PAX5: variants seen among roughly 807,000 people sequenced by gnomAD.
PAX5 encodes paired box 5.
A neutral mutation model predicts 43.7 loss-of-function variants in PAX5; 9 were observed. That is an observed-to-expected ratio of 0.21 (90% CI 0.12 to 0.36). The LOEUF is 0.36. PAX5 is among the 10% of genes least tolerant of loss of function. The pLI, the probability that PAX5 is intolerant of heterozygous loss-of-function variation, is 1.00. For synonymous variants in PAX5, 228 were observed against 214.3 expected (o/e 1.06, Z -0.56); for missense variants, 383 against 532.7 (o/e 0.72, Z 2.77).
chr9:36,906,514 C>T (rs1828835581), intron 7 of PAX5, among the ~76,000 whole-genome samples: 1 of 152,162 alleles, frequency 6.6e-6, no homozygotes, highest in African/African-American at 2.4e-5. Flanking sequence ...GGAACACAGC[C>T]CACCACTCTT....
At chr9:37,033,063 T>G (rs1841146349) in intron 1 of PAX5, among the ~76,000 whole-genome samples, 1 of 152,232 alleles carries the variant, frequency 6.6e-6, no homozygotes, top group African/African-American at 2.4e-5. Context: ...TAGGTGAAAG[T>G]GAATGTAGGC....
chr9:37,017,864 A>G (rs1242749296), intron 2 of PAX5, among the ~76,000 whole-genome samples: 1 of 152,170 alleles, frequency 6.6e-6, no homozygotes, highest in Admixed American at 6.5e-5. Context: ...GAAAACCCCA[A>G]CTCGAAACTG....
At chr9:36,963,602 T>C (rs1313899978) in intron 6 of PAX5, among the ~76,000 whole-genome samples, 2 of 151,982 alleles carry the variant, frequency 1.3e-5, no homozygotes, top group Non-Finnish European at 2.9e-5. Flanking sequence ...GTTAGAGGAG[T>C]GGCATGTGAG....
chr9:36,874,410 A>G (rs1825740530), intron 8 of PAX5, among the ~76,000 whole-genome samples: 1 of 152,010 alleles, frequency 6.6e-6, no homozygotes, highest in Admixed American at 6.5e-5. Context: ...CTCAGATCCT[A>G]ACCTTGCTGG....
intron 5 of PAX5, among the ~76,000 whole-genome samples, chr9:36,981,129 A>G (rs1835876513): frequency 1.3e-5 from 2 of 150,906 alleles, no homozygotes; most frequent in African/African-American, 4.9e-5. Context: ...TCCCTCCATT[A>G]AGGCCTCTGC....
chr9:37,001,810 C>CTTTTTTT (rs3073720), intron 5 of PAX5, among the ~76,000 whole-genome samples: 2,826 of 87,396 alleles, frequency 0.032, 9 homozygotes, highest in Non-Finnish European at 0.04. Flanking sequence ...ACAGCTCTGG[C>CTTTTTTT]TTTTTTTTTT....
intron 1 of PAX5, chr9:37,026,486 C>A: frequency 7.6e-7 from 1 of 1,307,992 alleles, no homozygotes; most frequent in South Asian, 1.2e-5. Context: ...CACCCCCAAC[C>A]CGGTCCCGGC....
intron 7 of PAX5, among the ~76,000 whole-genome samples, chr9:36,914,793 C>T (rs1186122278): frequency 1.4e-5 from 2 of 138,906 alleles, no homozygotes; most frequent in Admixed American, 7.2e-5. Flanking sequence ...GCTCAAAGCT[C>T]TCCCACCGGA....
chr9:36,880,302 ACT>A (rs1826292399), intron 8 of PAX5, among the ~76,000 whole-genome samples: 1 of 152,154 alleles, frequency 6.6e-6, no homozygotes, highest in Non-Finnish European at 1.5e-5. Context: ...CTCCGTCCAC[ACT>A]CTCGACAGAG....
chr9:36,862,064 G>A (rs1824267729), intron 8 of PAX5, among the ~76,000 whole-genome samples: 2 of 152,200 alleles, frequency 1.3e-5, no homozygotes, highest in Non-Finnish European at 2.9e-5. Context: ...GGCACTCACG[G>A]AGCGGGGCCA....
At chr9:36,843,414 T>A (rs1369630424) in intron 9 of PAX5, among the ~76,000 whole-genome samples, 3 of 152,168 alleles carry the variant, frequency 2.0e-5, no homozygotes, top group Non-Finnish European at 2.9e-5. Flanking sequence ...GAAGGTGGGA[T>A]CACTGCTTCC....
At chr9:36,977,551 T>C (rs551417857) in intron 5 of PAX5, among the ~76,000 whole-genome samples, 2 of 152,118 alleles carry the variant, frequency 1.3e-5, no homozygotes, top group Non-Finnish European at 2.9e-5. Flanking sequence ...TTTTGTGAGA[T>C]GGAGTCTCAC....
intron 6 of PAX5, among the ~76,000 whole-genome samples, chr9:36,938,200 C>T (rs371070668): frequency 6.6e-6 from 1 of 152,130 alleles, no homozygotes; most frequent in East Asian, 1.9e-4. Flanking sequence ...AATATATTTG[C>T]ATTTTGTGGT....
In PAX5 at chr9:37,034,088, C is replaced by CTTTTTTTTTTTT. The variant is rs368036487; in HGVS notation, c.-58_-57insAAAAAAAAAAAA. 11 of 448,706 alleles carry CTTTTTTTTTTTT rather than the reference C, an allele frequency of 2.5e-5. No individual in the cohort carries two copies. Among genetic ancestry groups the CTTTTTTTTTTTT allele is most frequent in the South Asian group, 1.4e-4 (4 of 29,110 alleles). 27.8% of individuals were successfully genotyped at this position (448,706 alleles called of 1,614,324 possible). On this transcript the variant is annotated 5_prime_UTR_variant, in exon 1 of 10. Coordinates refer to ENST00000358127, the MANE Select transcript of PAX5 (RefSeq NM_016734.3). ...GGGAAAAGTTTCCACTTTTTTGTGCCTTTTTTTTTCTTTTTTTTTTTTTTT... is the reference window on the plus strand; with the variant it reads ...GGGAAAAGTTTCCACTTTTTTGTGCCTTTTTTTTTTTTTTTTTTTTTCTTTTTTTTTTTTTTT...
chr9:36,835,965 G>C lies in PAX5; in HGVS notation c.*4595C>G, dbSNP rs1821614951. 2 of 233,308 alleles carry C rather than the reference G, an allele frequency of 8.6e-6. No homozygotes were observed. Among genetic ancestry groups the C allele is most frequent in the South Asian group, 3.6e-4 (2 of 5,540 alleles). 14.5% of individuals were successfully genotyped at this position (233,308 alleles called of 1,614,324 possible). A position where few individuals can be genotyped will look rare whatever the true frequency, so the allele number is the denominator to read the frequency against. On this transcript the variant is annotated 3_prime_UTR_variant, in exon 10 of 10. Transcript: ENST00000358127. ...ATTTCAGACTCATCGTGTTTCTAGG[G>C]CTGTGTCAGGGTGCTTGGTTGGTTT...
chr9:37,009,837 AAATAAT>A (rs1838779385), intron 3 of PAX5, among the ~76,000 whole-genome samples: 1 of 152,036 alleles, frequency 6.6e-6, no homozygotes, highest in Admixed American at 6.6e-5. Context: ...TAAAAATTAA[AAATAAT>A]AATAATAATA....
Position 36,836,667 on chromosome 9 carries a change from T to G in PAX5, c.*3893A>C, listed in dbSNP as rs998533919. 4.3e-6 allele frequency: 1 copy of G among 232,648 alleles called. No individual in the cohort carries two copies. The highest frequency in any genetic ancestry group is 2.2e-5 in the African/African-American group (1 of 45,306). 14.4% of individuals were successfully genotyped at this position (232,648 alleles called of 1,614,324 possible). A position where few individuals can be genotyped will look rare whatever the true frequency, so the allele number is the denominator to read the frequency against. On this transcript the variant is annotated 3_prime_UTR_variant, in exon 10 of 10. Transcript: ENST00000358127. Reference sequence around the variant, plus strand: ...CCAGGAAGCAGTTCATTCAGGGGACTTGAGATTGTGATCTGTGTTTCCAGG... The same window carrying G: ...CCAGGAAGCAGTTCATTCAGGGGACGTGAGATTGTGATCTGTGTTTCCAGG...
At chr9:36,877,836 A>G (rs970086286) in intron 8 of PAX5, among the ~76,000 whole-genome samples, 1 of 152,238 alleles carries the variant, frequency 6.6e-6, no homozygotes, top group African/African-American at 2.4e-5. Flanking sequence ...GGGTCTTTGC[A>G]GATGTGATTG....
At chr9:36,887,611 C>T (rs1046772122) in intron 7 of PAX5, among the ~76,000 whole-genome samples, 12 of 152,142 alleles carry the variant, frequency 7.9e-5, no homozygotes, top group Admixed American at 3.3e-4. Flanking sequence ...TGATTTGAAA[C>T]CAGATGCACA....
Sources: allele counts gnomAD v4.1 joint callset (sites outside exome capture counted in the v4.1 genomes callset), GRCh38; gene constraint gnomAD v4.1.1; transcripts MANE v1.5; gene names NCBI Gene and HGNC (gene_info 2026-07-23, HGNC 2026-07-21).